The following PPP2R3B variants were observed in gnomAD, a reference collection of about 807,000 sequenced individuals.
PPP2R3B encodes the protein protein phosphatase 2 regulatory subunit B''beta.
PPP2R3B carries 68 observed loss-of-function variants against 72.9 expected under a neutral mutation model. The observed-to-expected ratio is 0.93, with a 90% CI of 0.77 to 1.14. The LOEUF (loss-of-function observed/expected upper bound fraction) is 1.14. PPP2R3B is among the 50% of genes most tolerant of loss of function. PPP2R3B has a pLI of 0.00. For synonymous variants in PPP2R3B, 466 were observed against 375.8 expected, an observed-to-expected ratio of 1.24 and a Z score of -2.78; for missense variants, 1,018 against 842.0, an observed-to-expected ratio of 1.21 and a Z score of -2.59.
At chrX:354,164 C>G (rs892334617) in intron 2 of PPP2R3B, among the ~76,000 whole-genome samples, 35 of 107,562 alleles carry the variant, frequency 3.3e-4, no homozygotes, top group African/African-American at 9.5e-4. Context: ...GGGGCTCACC[C>G]AGGGACTAGG....
chrX:373,871 C>T (rs1223119551), intron 1 of PPP2R3B: 1 of 152,644 alleles, frequency 6.6e-6, no homozygotes, highest in Admixed American at 6.5e-5. Context: ...GCCGCCTCTC[C>T]CGACCCGCGA....
At chrX:380,830 G>A (rs1403928816) in intron 1 of PPP2R3B, among the ~76,000 whole-genome samples, 5 of 147,706 alleles carry the variant, frequency 3.4e-5, no homozygotes, top group Non-Finnish European at 7.4e-5. Context: ...TCCACATGAG[G>A]TTCTTAATTC....
intron 1 of PPP2R3B, among the ~76,000 whole-genome samples, chrX:363,261 C>CCACAGTGCATCTCCCCGAGCCCA (rs2071583100): frequency 6.8e-6 from 1 of 147,774 alleles, no homozygotes; most frequent in Non-Finnish European, 1.5e-5. Flanking sequence ...GCCCATGATC[C>CCACAGTGCATCTCCCCGAGCCCA]CGCAGTGCAT....
At chrX:341,433 T>C (rs952946290) in intron 8 of PPP2R3B, 37 bp from the exon 9 acceptor site, 61 of 1,603,080 alleles carry the variant, frequency 3.8e-5, no homozygotes, top group Non-Finnish European at 5.1e-5. Context: ...CGAAGATGCA[T>C]GTCAGGGAGA....
At chrX:334,621 C>T in intron 12 of PPP2R3B, 104 bp from the exon 13 acceptor site, 1 of 1,293,080 alleles carries the variant, frequency 7.7e-7, no homozygotes, top group Middle Eastern at 2.8e-4. Context: ...CAGCACGAGA[C>T]AGTCCCCTGA....
At chrX:382,684 C>T (rs1295740320) in intron 1 of PPP2R3B, among the ~76,000 whole-genome samples, 1 of 152,168 alleles carries the variant, frequency 6.6e-6, no homozygotes. Context: ...CAGAATATAT[C>T]ATCCTCTCAC....
chrX:379,375 T>TACCTGTGTATGCACCTATGTGTGTATGC (rs1159598092), intron 1 of PPP2R3B, among the ~76,000 whole-genome samples: 2 of 151,576 alleles, frequency 1.3e-5, no homozygotes, highest in Non-Finnish European at 2.9e-5. Flanking sequence ...TGTGTGTATG[T>TACCTGTGTATGCACCTATGTGTGTATGC]ACCTGTGTAT....
chrX:386,039 G>A (rs1405061601), intron 1 of PPP2R3B, among the ~76,000 whole-genome samples: 4 of 152,134 alleles, frequency 2.6e-5, no homozygotes, highest in Non-Finnish European at 5.9e-5. Context: ...CCAAGATCGC[G>A]CCATCGTACT....
At chrX:363,984 C>G (rs73178051) in intron 1 of PPP2R3B, among the ~76,000 whole-genome samples, 5,558 of 152,318 alleles carry the variant, frequency 0.036, 134 homozygotes, top group Non-Finnish European at 0.055. Context: ...TAGACGGCGC[C>G]CACAGGCTGG....
chrX:384,256 A>G (rs1334214755), intron 1 of PPP2R3B, among the ~76,000 whole-genome samples: 3 of 151,210 alleles, frequency 2.0e-5, no homozygotes, highest in Non-Finnish European at 2.9e-5. Flanking sequence ...CGCGCACGCA[A>G]GAAGACTCTC....
chrX:370,118 A>C (rs1356055613), intron 1 of PPP2R3B, among the ~76,000 whole-genome samples: 2 of 152,208 alleles, frequency 1.3e-5, no homozygotes, highest in African/African-American at 2.4e-5. Flanking sequence ...TGGACGGCTA[A>C]ACACAGGAGT....
chrX:339,002 A>G (rs190903825), intron 10 of PPP2R3B, 106 bp from the exon 11 acceptor site: 1 of 907,310 alleles, frequency 1.1e-6, no homozygotes, highest in African/African-American at 1.6e-5. Context: ...ACGCGGCACG[A>G]AGCTCCGGGC....
intron 2 of PPP2R3B, among the ~76,000 whole-genome samples, chrX:356,345 A>T (rs1387353968): frequency 6.6e-6 from 1 of 152,122 alleles, no homozygotes; most frequent in Admixed American, 6.5e-5. Context: ...CCTCCCGAGT[A>T]GCTGGAATGA....
In PPP2R3B at chrX:345,509, C is replaced by A. The variant is rs771254795; in HGVS notation, c.1036+7G>T. ...CGCGGCCCGCCCGCCCCTGTGCCCC[C>A]ACGCACCGTGGTCATTGTGCCGCGC... On this transcript the variant is annotated splice_region_variant and intron_variant, in intron 7 of 12. Transcript: ENST00000390665. 1 of 1,612,638 alleles carries A rather than the reference C, an allele frequency of 6.2e-7. No individual in the cohort carries two copies. The highest frequency in any genetic ancestry group is 8.5e-7 in the Non-Finnish European group (1 of 1,179,486).
intron 2 of PPP2R3B, among the ~76,000 whole-genome samples, chrX:351,718 C>T (rs1402627217): frequency 6.7e-6 from 1 of 149,702 alleles, no homozygotes; most frequent in South Asian, 2.1e-4. Context: ...ACTTGTTTTT[C>T]GAGACACGGT....
At chrX:356,323 T>C (rs2071434016) in intron 2 of PPP2R3B, among the ~76,000 whole-genome samples, 1 of 152,112 alleles carries the variant, frequency 6.6e-6, no homozygotes, top group Non-Finnish European at 1.5e-5. Context: ...TCAAGCGATT[T>C]TCCTGTCTCA....
chrX:374,405 G>C (rs1306475833), intron 1 of PPP2R3B, among the ~76,000 whole-genome samples: 2 of 152,222 alleles, frequency 1.3e-5, no homozygotes, highest in South Asian at 4.1e-4. Context: ...CCAAACTTCA[G>C]GAGTTTCTAG....
At position 346,217 on chromosome X, in the gene PPP2R3B, C is replaced by T. The variant is rs1284922816; in HGVS notation, c.836G>A (p.Gly279Asp). 3 of 1,571,198 alleles carry T rather than the reference C, an allele frequency of 1.9e-6. No individual in the cohort carries two copies. Among genetic ancestry groups the T allele is most frequent in the Non-Finnish European group, 2.6e-6 (3 of 1,160,264 alleles). The change falls in exon 6 of 13, where the codon GGC (glycine) becomes GAC (aspartate). Residue 279 changes from glycine (G) to aspartate (D), a missense_variant. Coordinates refer to ENST00000390665, the MANE Select transcript of PPP2R3B (RefSeq NM_013239.5). ...IFYAVNRSWS[G>D]RITCAELRRS... ...CCGCAGCTCGGCGCAGGTGATCCTG[C>T]CGGACCAGGACCGGTTCACGGCGTA... is the stretch of plus-strand genomic sequence containing the variant.
At chrX:360,716 G>T (rs1273110782) in intron 2 of PPP2R3B, among the ~76,000 whole-genome samples, 1 of 152,206 alleles carries the variant, frequency 6.6e-6, no homozygotes, top group Non-Finnish European at 1.5e-5. Flanking sequence ...ACTCCACCTG[G>T]AGGGTAGGAG....
Sources: gnomAD v4.1 joint callset for allele counts (sites outside exome capture counted in the v4.1 genomes callset) on GRCh38, gnomAD v4.1.1 for gene constraint, MANE v1.5 for transcripts, NCBI Gene and HGNC (gene_info 2026-07-23, HGNC 2026-07-21) for gene names.